The following EEFSEC variants were observed in gnomAD, a reference collection of about 807,000 sequenced individuals.
The protein encoded by EEFSEC is eukaryotic elongation factor, selenocysteine-tRNA specific, also known as selenocysteine-specific elongation factor.
EEFSEC carries 43 observed loss-of-function variants against 42.1 expected under a neutral mutation model. The observed-to-expected ratio is 1.02, with a 90% CI of 0.80 to 1.32. The LOEUF (loss-of-function observed/expected upper bound fraction) is 1.32, where lower values mean the gene tolerates loss of function less well. EEFSEC is among the 40% of genes most tolerant of loss of function. EEFSEC has a pLI of 0.00. For missense variants in EEFSEC, 745 were observed against 803.6 expected (o/e 0.93, Z 0.88); for synonymous variants, 354 against 339.1 (o/e 1.04, Z -0.48).
chr3:128,249,663 T>A (rs1363654690), intron 2 of EEFSEC, among the ~76,000 whole-genome samples: 1 of 152,216 alleles, frequency 6.6e-6, no homozygotes, highest in Non-Finnish European at 1.5e-5. Context: ...TCTAGATACC[T>A]TTTATCAGTG....
At chr3:128,328,220 A>G (rs113414352) in intron 4 of EEFSEC, among the ~76,000 whole-genome samples, 109 of 152,338 alleles carry the variant, frequency 7.2e-4, no homozygotes, top group African/African-American at 2.5e-3. Context: ...CAAGTCCAGC[A>G]TGCTCACTGC....
At chr3:128,403,567 A>G (rs891771441) in intron 6 of EEFSEC, among the ~76,000 whole-genome samples, 1 of 152,182 alleles carries the variant, frequency 6.6e-6, no homozygotes, top group Non-Finnish European at 1.5e-5. Flanking sequence ...TCTGACCCCA[A>G]GTCAGAATGG....
intron 2 of EEFSEC, among the ~76,000 whole-genome samples, chr3:128,250,130 G>A (rs2066169483): frequency 6.6e-6 from 1 of 152,064 alleles, no homozygotes; most frequent in Non-Finnish European, 1.5e-5. Context: ...AATTGTAATA[G>A]TTATTTATGT....
chr3:128,412,019 T>C (rs1331688378), downstream of EEFSEC, among the ~76,000 whole-genome samples: 1 of 152,196 alleles, frequency 6.6e-6, no homozygotes, highest in Non-Finnish European at 1.5e-5. Flanking sequence ...TGTTTGTCAG[T>C]GTGTGTATCT....
intron 6 of EEFSEC, among the ~76,000 whole-genome samples, chr3:128,383,931 T>G (rs2067808058): frequency 1.3e-5 from 2 of 152,260 alleles, no homozygotes; most frequent in Non-Finnish European, 2.9e-5. Flanking sequence ...AAGAGAAGTC[T>G]TCTAGCTTTT....
intron 1 of EEFSEC, among the ~76,000 whole-genome samples, chr3:128,218,953 C>T (rs1186101943): frequency 2.0e-5 from 3 of 152,190 alleles, no homozygotes; most frequent in Admixed American, 2.0e-4. Flanking sequence ...TGGTGGGGCA[C>T]TGTGCTCTGT....
intron 2 of EEFSEC, among the ~76,000 whole-genome samples, chr3:128,247,652 C>T (rs1360969064): frequency 6.6e-6 from 1 of 152,154 alleles, no homozygotes; most frequent in Non-Finnish European, 1.5e-5. Flanking sequence ...AAGGAGTTTA[C>T]AGTTTTATCT....
At chr3:128,315,727 CA>C in intron 4 of EEFSEC, among the ~76,000 whole-genome samples, 1 of 152,238 alleles carries the variant, frequency 6.6e-6, no homozygotes, top group Non-Finnish European at 1.5e-5. Context: ...GCATACTCGT[CA>C]GGGCCAGTGG....
At chr3:128,160,340 A>G (rs1484770431) in intron 1 of EEFSEC, among the ~76,000 whole-genome samples, 4 of 152,244 alleles carry the variant, frequency 2.6e-5, no homozygotes, top group Non-Finnish European at 4.4e-5. Flanking sequence ...GTGTCTCAAC[A>G]TCAGAGATGA....
intron 4 of EEFSEC, among the ~76,000 whole-genome samples, chr3:128,332,389 G>A (rs2067143577): frequency 6.6e-6 from 1 of 152,210 alleles, no homozygotes; most frequent in East Asian, 1.9e-4. Flanking sequence ...TGGAATATTA[G>A]CATGATATAC....
chr3:128,200,632 G>A (rs2065634306), intron 1 of EEFSEC, among the ~76,000 whole-genome samples: 1 of 152,234 alleles, frequency 6.6e-6, no homozygotes, highest in African/African-American at 2.4e-5. Context: ...CAGATCCCCA[G>A]CCATGCCTTG....
chr3:128,409,627 G>A (rs1051179199), downstream of EEFSEC, among the ~76,000 whole-genome samples: 5 of 152,242 alleles, frequency 3.3e-5, no homozygotes, highest in African/African-American at 9.6e-5. Context: ...ACGTGAGAGA[G>A]AGTGTGGCCC....
chr3:128,267,164 A>G (rs1358454320), intron 4 of EEFSEC, among the ~76,000 whole-genome samples: 1 of 152,078 alleles, frequency 6.6e-6, no homozygotes, highest in East Asian at 1.9e-4. Flanking sequence ...AGTGGCTGCA[A>G]TGTTAGGGCT....
intron 6 of EEFSEC, among the ~76,000 whole-genome samples, chr3:128,374,216 G>A (rs2067685153): frequency 1.3e-5 from 2 of 152,224 alleles, no homozygotes; most frequent in South Asian, 2.1e-4. Context: ...TCTTTTGGAC[G>A]TGACACCACA....
At chr3:128,299,023 T>G (rs1239127526) in intron 4 of EEFSEC, among the ~76,000 whole-genome samples, 1 of 152,234 alleles carries the variant, frequency 6.6e-6, no homozygotes. Flanking sequence ...AGTGCTGCAG[T>G]AAACATGGAA....
downstream of EEFSEC, among the ~76,000 whole-genome samples, chr3:128,408,805 C>T (rs929504417): frequency 1.3e-5 from 2 of 152,166 alleles, no homozygotes; most frequent in East Asian, 1.9e-4. Context: ...AGAGTGTCTG[C>T]GCTTCTCAAC....
At chr3:128,249,522 C>T (rs2066162208) in intron 2 of EEFSEC, among the ~76,000 whole-genome samples, 2 of 152,154 alleles carry the variant, frequency 1.3e-5, no homozygotes, top group Admixed American at 6.5e-5. Flanking sequence ...CCTGTCCCCA[C>T]TATATATACC....
chr3:128,169,328 TGA>T (rs1369630402), intron 1 of EEFSEC, among the ~76,000 whole-genome samples: 1 of 152,064 alleles, frequency 6.6e-6, no homozygotes, highest in Non-Finnish European at 1.5e-5. Flanking sequence ...TAGCTACGAG[TGA>T]GAGGGTATCA....
chr3:128,422,313 T>A, the EEFSEC span, among the ~76,000 whole-genome samples: 1 of 152,176 alleles, frequency 6.6e-6, no homozygotes, highest in Non-Finnish European at 1.5e-5. Context: ...CAGGAGTGAA[T>A]GGAGCCTCGG....
Sources: allele counts gnomAD v4.1 joint callset (sites outside exome capture counted in the v4.1 genomes callset), GRCh38; gene constraint gnomAD v4.1.1; transcripts MANE v1.5; gene names NCBI Gene and HGNC (gene_info 2026-07-23, HGNC 2026-07-21).